The following NADSYN1 variants were observed in gnomAD, a reference collection of about 807,000 sequenced individuals.
NADSYN1 encodes NAD synthetase 1, also known as glutamine-dependent NAD(+) synthetase.
In NADSYN1, 80 loss-of-function variants were observed where a neutral mutation model predicts 99.3. The ratio of observed to expected loss-of-function variants is 0.81; its 90% CI spans 0.67 to 0.97. NADSYN1 has a LOEUF of 0.97. NADSYN1 is among the 50% of genes least tolerant of loss of function. The probability of loss-of-function intolerance (pLI) is 0.00; values close to 1 mark genes in which losing one functional copy is unlikely to be tolerated. For synonymous variants in NADSYN1, 385 were observed against 372.1 expected, an observed-to-expected ratio of 1.03 and a Z score of -0.40; for missense variants, 859 against 948.5, an observed-to-expected ratio of 0.91 and a Z score of 1.24.
At chr11:71,478,644 A>G (rs553002290) in intron 10 of NADSYN1, 175 bp downstream of exon 10, 5 of 612,644 alleles carry the variant, frequency 8.2e-6, no homozygotes, top group South Asian at 5.5e-5. Flanking sequence ...ACCTGCTTCC[A>G]TCTGTTCCCC....
chr11:71,458,029 T>TC (rs1949524654), intron 2 of NADSYN1, among the ~76,000 whole-genome samples: 1 of 152,178 alleles, frequency 6.6e-6, no homozygotes, highest in Non-Finnish European at 1.5e-5. Flanking sequence ...GGGTGGTTTT[T>TC]CTGAATGGTT....
intron 9 of NADSYN1, chr11:71,476,216 C>G (rs566545561): frequency 1.2e-5 from 5 of 411,992 alleles, no homozygotes; most frequent in Non-Finnish European, 2.4e-5. Flanking sequence ...CCTGACTCGT[C>G]TTTGGACCCG....
At chr11:71,489,350 C>T (rs946384226) in intron 16 of NADSYN1, among the ~76,000 whole-genome samples, 1 of 152,106 alleles carries the variant, frequency 6.6e-6, no homozygotes, top group African/African-American at 2.4e-5. Context: ...CTCAATTTTC[C>T]CCCTATAACC....
intron 2 of NADSYN1, among the ~76,000 whole-genome samples, chr11:71,457,204 G>A (rs985549058): frequency 1.3e-5 from 2 of 152,270 alleles, no homozygotes; most frequent in Non-Finnish European, 2.9e-5. Flanking sequence ...GGATCCGTTG[G>A]AGGAGAAAGG....
At chr11:71,461,995 C>T (rs1314957297) in intron 3 of NADSYN1, among the ~76,000 whole-genome samples, 2 of 152,216 alleles carry the variant, frequency 1.3e-5, no homozygotes, top group Non-Finnish European at 2.9e-5. Context: ...CTGCATGCAT[C>T]TTGCCCTTTC....
Position 71,455,619 on chromosome 11 carries a change from C to G in NADSYN1, c.146+449C>G, listed in dbSNP as rs577416884. ...CTCTTACAAGAGAGGCCCAAAGGAG[C>G]TTGTTGGCCCCTTCTACCATGTGAG... is the stretch of plus-strand genomic sequence containing the variant. On this transcript the variant is annotated intron_variant, in intron 2 of 20. Coordinates refer to ENST00000319023, the MANE Select transcript of NADSYN1 (RefSeq NM_018161.5). Among the ~76,000 whole-genome samples the G allele has an allele frequency of 2.6e-5, 4 of 152,348 alleles. No individual in the cohort carries two copies. In the South Asian group the frequency reaches 6.2e-4, roughly 24 times the overall value.
At chr11:71,467,409 A>G (rs922180510) in intron 5 of NADSYN1, among the ~76,000 whole-genome samples, 2 of 152,198 alleles carry the variant, frequency 1.3e-5, no homozygotes, top group Non-Finnish European at 2.9e-5. Flanking sequence ...GTCATAAAAC[A>G]TACAAGGAAA....
rs748350131 is a variant in NADSYN1, at chr11:71,464,106, G to A, written c.371G>A (p.Arg124His). 5.0e-6 allele frequency: 8 copies of A among 1,612,112 alleles called. No individual in the cohort carries two copies. Among genetic ancestry groups the A allele is most frequent in the East Asian group, 4.5e-5 (2 of 44,842 alleles). Reference protein sequence around the residue: ...KMALANEGNYRELRWFTPWSR... With the variant: ...KMALANEGNYHELRWFTPWSR... Reference sequence around the variant, plus strand: ...GCCTTGGCCAATGAAGGCAACTACCGCGAGCTGCGCTGGTTCACCCCGTGG... The same window carrying A: ...GCCTTGGCCAATGAAGGCAACTACCACGAGCTGCGCTGGTTCACCCCGTGG... The change falls in exon 5 of 21, where the codon CGC (arginine) becomes CAC (histidine). Residue 124 changes from arginine (R) to histidine (H), a missense_variant. Coordinates refer to ENST00000319023, the MANE Select transcript of NADSYN1 (RefSeq NM_018161.5).
chr11:71,480,751 C>T lies in NADSYN1; in HGVS notation c.874-4C>T, dbSNP rs200724023. The T allele has an allele frequency of 5.0e-6, 8 of 1,614,076 alleles. No individual in the cohort carries two copies. In the African/African-American group the frequency reaches 8.0e-5, roughly 16 times the overall value. ...GTCATTCTGTCTTGAATCTCCATTG[C>T]CAGGCCAGCAGGGCGAGCCCCTACC... On this transcript the variant is annotated splice_region_variant and splice_polypyrimidine_tract_variant and intron_variant, in intron 10 of 20. Transcript: ENST00000319023.
At chr11:71,484,592 G>T in intron 15 of NADSYN1, 145 bp downstream of exon 15, 2 of 1,242,934 alleles carry the variant, frequency 1.6e-6, no homozygotes, top group Non-Finnish European at 1.1e-6. Context: ...GCCAGTGCTG[G>T]GGTCACAGCC....
chr11:71,479,623 G>A (rs571832743), intron 10 of NADSYN1: 4 of 152,232 alleles, frequency 2.6e-5, no homozygotes, highest in South Asian at 2.1e-4. Context: ...GCCTATTCTC[G>A]ACGTTTCATT....
At chr11:71,491,166 G>A (rs1351640636) in intron 17 of NADSYN1, among the ~76,000 whole-genome samples, 190 bp downstream of exon 17, 3 of 152,188 alleles carry the variant, frequency 2.0e-5, no homozygotes, top group Non-Finnish European at 4.4e-5. Context: ...ACAGCCCCCC[G>A]GCTCCGGCCA....
intron 8 of NADSYN1, among the ~76,000 whole-genome samples, chr11:71,474,155 C>T (rs2120447594): frequency 6.6e-6 from 1 of 152,284 alleles, no homozygotes; most frequent in East Asian, 1.9e-4. Context: ...TGGGGTCTGC[C>T]TTGTAGGGTT....
Position 71,501,397 on chromosome 11 carries a change from A to G in NADSYN1, c.*45A>G. On this transcript the variant is annotated 3_prime_UTR_variant, in exon 21 of 21. Coordinates refer to ENST00000319023, the MANE Select transcript of NADSYN1 (RefSeq NM_018161.5). ...GCCTCCTGTCCTCGGGGACCCCAGC[A>G]CCTCATCATCAGCATTGCTGGAGCC... 1.2e-5 allele frequency: 19 copies of G among 1,556,550 alleles called. No homozygotes were observed. Among genetic ancestry groups the G allele is most frequent in the Non-Finnish European group, 1.7e-5 (19 of 1,147,208 alleles).
At chr11:71,468,896 T>C (rs1949610151) in intron 5 of NADSYN1, among the ~76,000 whole-genome samples, 1 of 152,214 alleles carries the variant, frequency 6.6e-6, no homozygotes, top group Non-Finnish European at 1.5e-5. Context: ...GGAAAAGTGC[T>C]TATGGCTAAC....
chr11:71,469,657 G>A lies in NADSYN1; in HGVS notation c.408-2792G>A, dbSNP rs896781182. Among the ~76,000 whole-genome samples the A allele has an allele frequency of 6.6e-5, 10 of 152,320 alleles. No homozygotes were observed. In the South Asian group the frequency reaches 1.2e-3, roughly 19 times the overall value. ...ATGCTATTGTTTGTGGTTCAGGAAC[G>A]CCTTAAGTGGTTTTCCGCCCTGGGT... On this transcript the variant is annotated intron_variant, in intron 5 of 20. Coordinates refer to ENST00000319023, the MANE Select transcript of NADSYN1 (RefSeq NM_018161.5).
At position 71,453,222 on chromosome 11, in the gene NADSYN1, C is replaced by G; in HGVS notation, c.-75C>G. On this transcript the variant is annotated 5_prime_UTR_variant, in exon 1 of 21. Coordinates refer to ENST00000319023, the MANE Select transcript of NADSYN1 (RefSeq NM_018161.5). Reference sequence around the variant, plus strand: ...CCGGGCAACCCGGAAGGTCCGGCGTCCCAGCCGCCTACCTCGCTGGGACCC... The same window carrying G: ...CCGGGCAACCCGGAAGGTCCGGCGTGCCAGCCGCCTACCTCGCTGGGACCC... 7.3e-7 allele frequency: 1 copy of G among 1,375,392 alleles called. No individual in the cohort carries two copies. Among genetic ancestry groups the G allele is most frequent in the African/African-American group, 1.4e-5 (1 of 69,422 alleles). 85.2% of individuals were successfully genotyped at this position (1,375,392 alleles called of 1,614,324 possible). A position where few individuals can be genotyped will look rare whatever the true frequency, so the allele number is the denominator to read the frequency against.
At chr11:71,487,477 A>AT in intron 16 of NADSYN1, among the ~76,000 whole-genome samples, 1 of 152,164 alleles carries the variant, frequency 6.6e-6, no homozygotes, top group East Asian at 1.9e-4. Flanking sequence ...AGAAACAAGT[A>AT]TTTTTTTCCA....
At chr11:71,477,085 T>C (rs961223951) in intron 9 of NADSYN1, 1 of 1,117,920 alleles carries the variant, frequency 8.9e-7, no homozygotes. Flanking sequence ...CGTGGAATCA[T>C]TTCAGAGTCA....
Sources: gnomAD v4.1 joint callset for allele counts (sites outside exome capture counted in the v4.1 genomes callset) on GRCh38, gnomAD v4.1.1 for gene constraint, MANE v1.5 for transcripts, NCBI Gene and HGNC (gene_info 2026-07-23, HGNC 2026-07-21) for gene names.